The following KCNIP4 variants were observed in gnomAD, a reference collection of about 807,000 sequenced individuals.
The protein encoded by KCNIP4 is potassium voltage-gated channel interacting protein 4.
In KCNIP4, 12 loss-of-function variants were observed where a neutral mutation model predicts 34.0. The observed-to-expected ratio is 0.35, with a 90% CI of 0.23 to 0.57. KCNIP4 has a LOEUF of 0.57. Among genes scored for constraint, KCNIP4 ranks in the 20% least tolerant of loss-of-function variants. The pLI, the probability that KCNIP4 is intolerant of heterozygous loss-of-function variation, is 0.83. For missense variants in KCNIP4, 238 were observed against 311.7 expected (o/e 0.76, Z 1.78); for synonymous variants, 124 against 102.2 (o/e 1.21, Z -1.29).
intron 1 of KCNIP4, among the ~76,000 whole-genome samples, chr4:21,424,258 T>A (rs1385360348): frequency 6.6e-6 from 1 of 152,000 alleles, no homozygotes. Flanking sequence ...TCTTTTCCAA[T>A]ATGTGTAAAT....
At chr4:21,015,607 T>G (rs1739441446) in intron 1 of KCNIP4, among the ~76,000 whole-genome samples, 1 of 126,566 alleles carries the variant, frequency 7.9e-6, no homozygotes, top group South Asian at 2.2e-4. Flanking sequence ...ATTGTATTAA[T>G]ATAATATAAT....
intron 1 of KCNIP4, among the ~76,000 whole-genome samples, chr4:21,770,077 G>T (rs1718676887): frequency 6.6e-6 from 1 of 152,018 alleles, no homozygotes; most frequent in Non-Finnish European, 1.5e-5. Context: ...TGCCATGGTG[G>T]TTTGCTGCAC....
intron 1 of KCNIP4, among the ~76,000 whole-genome samples, chr4:21,568,707 T>A (rs1191698376): frequency 1.3e-5 from 2 of 152,098 alleles, no homozygotes; most frequent in East Asian, 3.9e-4. Flanking sequence ...CTCTGTGGCC[T>A]TTGGCCACAG....
At chr4:21,579,065 T>C (rs1740988865) in intron 1 of KCNIP4, among the ~76,000 whole-genome samples, 1 of 152,168 alleles carries the variant, frequency 6.6e-6, no homozygotes, top group African/African-American at 2.4e-5. Flanking sequence ...CATTGGAGAT[T>C]CTAAGAGATC....
At chr4:21,125,251 C>T (rs182534382) in intron 1 of KCNIP4, among the ~76,000 whole-genome samples, 1,019 of 83,430 alleles carry the variant, frequency 0.012, 14 homozygotes, top group African/African-American at 0.038. Context: ...AGAGTCTTGC[C>T]CTGTCACCTA....
intron 5 of KCNIP4, among the ~76,000 whole-genome samples, chr4:20,747,356 T>G (rs1202069798): frequency 6.6e-6 from 1 of 152,212 alleles, no homozygotes; most frequent in Non-Finnish European, 1.5e-5. Context: ...GTGAACTATA[T>G]TAGGTAAAAC....
intron 1 of KCNIP4, among the ~76,000 whole-genome samples, chr4:20,995,897 A>G (rs1206571359): frequency 6.6e-6 from 1 of 152,202 alleles, no homozygotes; most frequent in African/African-American, 2.4e-5. Context: ...CACATAAGTT[A>G]CTAAGTCCAA....
At chr4:21,500,879 ATCT>A (rs970987983) in intron 1 of KCNIP4, among the ~76,000 whole-genome samples, 39 of 152,290 alleles carry the variant, frequency 2.6e-4, no homozygotes, top group Non-Finnish European at 1.5e-4. Flanking sequence ...CATCAATCAC[ATCT>A]TCTTTTGACC....
At chr4:21,802,909 T>A (rs1297000934) in intron 1 of KCNIP4, among the ~76,000 whole-genome samples, 1 of 152,148 alleles carries the variant, frequency 6.6e-6, no homozygotes, top group Non-Finnish European at 1.5e-5. Context: ...AAATTACTGA[T>A]CCTGGAATTT....
At chr4:20,841,871 C>A (rs1424397133) in intron 3 of KCNIP4, among the ~76,000 whole-genome samples, 2 of 152,124 alleles carry the variant, frequency 1.3e-5, no homozygotes, top group African/African-American at 4.8e-5. Context: ...ACTCTTGCCT[C>A]ATGATTTTGG....
chr4:20,776,446 A>G (rs1756381289), intron 3 of KCNIP4, among the ~76,000 whole-genome samples: 1 of 152,148 alleles, frequency 6.6e-6, no homozygotes, highest in Non-Finnish European at 1.5e-5. Flanking sequence ...GGGGTGGTTT[A>G]TTCTCTGTAC....
At chr4:20,750,374 TC>T (rs1417571995) in intron 4 of KCNIP4, among the ~76,000 whole-genome samples, 2 of 152,106 alleles carry the variant, frequency 1.3e-5, no homozygotes, top group African/African-American at 4.8e-5. Context: ...TTGGGAAGTT[TC>T]TGTGGCTGTG....
At chr4:21,614,404 T>C (rs1402618451) in intron 1 of KCNIP4, among the ~76,000 whole-genome samples, 1 of 151,356 alleles carries the variant, frequency 6.6e-6, no homozygotes, top group Non-Finnish European at 1.5e-5. Context: ...AATGCACCCC[T>C]ACCTTCACTA....
chr4:21,745,581 ATAGT>A, intron 1 of KCNIP4, among the ~76,000 whole-genome samples: 1 of 152,278 alleles, frequency 6.6e-6, no homozygotes, highest in East Asian at 1.9e-4. Flanking sequence ...AACTTGGAAA[ATAGT>A]TATATTATAC....
chr4:21,057,688 C>A (rs1433188252), intron 1 of KCNIP4, among the ~76,000 whole-genome samples: 1 of 152,134 alleles, frequency 6.6e-6, no homozygotes, highest in Non-Finnish European at 1.5e-5. Context: ...GCACAGTGGT[C>A]GTCTTTGAGG....
chr4:21,398,298 T>C lies in KCNIP4; in HGVS notation c.62-515589A>G, dbSNP rs963912315. On this transcript the variant is annotated intron_variant, in intron 1 of 8. Transcript: ENST00000382152. ...TAATTTGAATGTTCAGAAAAACCAGTAATTAGATTCATTACGTTAAAATTG... is the reference window on the plus strand; with the variant it reads ...TAATTTGAATGTTCAGAAAAACCAGCAATTAGATTCATTACGTTAAAATTG... Among the ~76,000 whole-genome samples the C allele has an allele frequency of 2.6e-5, 4 of 152,228 alleles. No homozygotes were observed. The South Asian group carries it at 8.3e-4, about 31-fold the overall frequency.
intron 1 of KCNIP4, among the ~76,000 whole-genome samples, chr4:21,276,471 C>T (rs576412264): frequency 6.6e-6 from 1 of 151,264 alleles, no homozygotes; most frequent in Admixed American, 6.6e-5. Context: ...TCCCAAAGTG[C>T]TGGGATCACA....
intron 1 of KCNIP4, among the ~76,000 whole-genome samples, chr4:20,909,358 C>T (rs956957166): frequency 8.5e-5 from 13 of 152,252 alleles, no homozygotes; most frequent in South Asian, 2.1e-4. Flanking sequence ...CAGTGCACCA[C>T]GCTTCCCATC....
chr4:21,034,541 T>C (rs924657489), intron 1 of KCNIP4, among the ~76,000 whole-genome samples: 2 of 152,164 alleles, frequency 1.3e-5, no homozygotes, highest in Non-Finnish European at 2.9e-5. Flanking sequence ...TGGTCTTCCT[T>C]AGCATGGTAG....
Sources: allele counts gnomAD v4.1 joint callset (sites outside exome capture counted in the v4.1 genomes callset), GRCh38; gene constraint gnomAD v4.1.1; transcripts MANE v1.5; gene names NCBI Gene and HGNC (gene_info 2026-07-23, HGNC 2026-07-21).